The following PTPRO variants were observed in gnomAD, a reference collection of about 807,000 sequenced individuals.
PTPRO encodes protein tyrosine phosphatase receptor type O.
In PTPRO, 62 loss-of-function variants were observed where a neutral mutation model predicts 145.2. The observed-to-expected ratio is 0.43, with a 90% CI of 0.35 to 0.53. The LOEUF (loss-of-function observed/expected upper bound fraction) is 0.53, where lower values mean the gene tolerates loss of function less well. Ranked by LOEUF, PTPRO falls within the 20% of genes least tolerant of loss-of-function variation. PTPRO has a pLI of 0.01. For synonymous variants in PTPRO, 565 were observed against 514.7 expected, an observed-to-expected ratio of 1.10 and a Z score of -1.32; for missense variants, 1,345 against 1,482.7, an observed-to-expected ratio of 0.91 and a Z score of 1.53.
rs565312615 is a variant in PTPRO at position 15,597,776 on chromosome 12, C to T, written c.*1703C>T. Among the ~76,000 whole-genome samples the T allele has an allele frequency of 1.3e-4, 20 of 152,306 alleles. No individual in the cohort carries two copies. The South Asian group carries it at 3.7e-3, about 28-fold the overall frequency. On this transcript the variant is annotated 3_prime_UTR_variant, in exon 27 of 27. Coordinates refer to ENST00000281171, the MANE Select transcript of PTPRO (RefSeq NM_030667.3). ...CTCACCTCCCTGCTACCACCTCCTC[C>T]TCTTCTTCTCACCCCCGACTCCTTT...
In PTPRO at chr12:15,526,276, A is replaced by G. The variant is rs980649065; in HGVS notation, c.2164+14A>G. The G allele has an allele frequency of 2.5e-6, 4 of 1,613,210 alleles. No homozygotes were observed. Among genetic ancestry groups the G allele is most frequent in the African/African-American group, 1.3e-5 (1 of 74,914 alleles). ...TTGTCAAGCTAGGTAAGAAGAGTGC[A>G]CAGAGATGGGTGTGAAATAATCACT... is the stretch of plus-strand genomic sequence containing the variant. On this transcript the variant is annotated intron_variant, in intron 12 of 26. Coordinates refer to ENST00000281171, the MANE Select transcript of PTPRO (RefSeq NM_030667.3).
chr12:15,587,881 C>T (rs1440652827), intron 24 of PTPRO, among the ~76,000 whole-genome samples: 4 of 152,234 alleles, frequency 2.6e-5, no homozygotes, highest in Non-Finnish European at 1.5e-5. Flanking sequence ...TCTACAATCC[C>T]AGACCTACTG....
At chr12:15,418,183 G>T (rs1940035418) in intron 1 of PTPRO, among the ~76,000 whole-genome samples, 1 of 151,826 alleles carries the variant, frequency 6.6e-6, no homozygotes, top group South Asian at 2.1e-4. Context: ...CAAGAACTTT[G>T]AATAGCACAG....
intron 1 of PTPRO, among the ~76,000 whole-genome samples, chr12:15,453,314 G>T (rs1941094024): frequency 6.6e-6 from 1 of 151,762 alleles, no homozygotes; most frequent in Non-Finnish European, 1.5e-5. Flanking sequence ...GTGAGATTCA[G>T]TCTCAAAAAA....
intron 2 of PTPRO, among the ~76,000 whole-genome samples, chr12:15,496,924 GTAATT>G (rs1162386228): frequency 6.6e-6 from 1 of 152,184 alleles, no homozygotes; most frequent in Non-Finnish European, 1.5e-5. Flanking sequence ...CCTTGGACAA[GTAATT>G]TAGTCTGTGA....
chr12:15,551,515 G>A (rs1276705687), intron 14 of PTPRO, 36 bp from the exon 15 acceptor site: 1 of 1,609,760 alleles, frequency 6.2e-7, no homozygotes, highest in Non-Finnish European at 8.5e-7. Flanking sequence ...CCCTGTAAGA[G>A]AACCTATGAT....
intron 1 of PTPRO, among the ~76,000 whole-genome samples, chr12:15,426,347 C>A (rs762089145): frequency 1.3e-4 from 20 of 151,930 alleles, no homozygotes; most frequent in African/African-American, 1.9e-4. Context: ...TTAGTCATAT[C>A]CGTGAAAATT....
chr12:15,401,315 A>G (rs1225957954), intron 1 of PTPRO, among the ~76,000 whole-genome samples: 1 of 152,214 alleles, frequency 6.6e-6, no homozygotes, highest in African/African-American at 2.4e-5. Flanking sequence ...CCCATATGCA[A>G]CTATAAGTGA....
intron 1 of PTPRO, among the ~76,000 whole-genome samples, chr12:15,450,806 A>T (rs1941026130): frequency 6.6e-6 from 1 of 152,068 alleles, no homozygotes; most frequent in Non-Finnish European, 1.5e-5. Context: ...AAAAACTACC[A>T]AGCCAGCACT....
chr12:15,414,680 A>G (rs1591790907), intron 1 of PTPRO, among the ~76,000 whole-genome samples: 1 of 152,218 alleles, frequency 6.6e-6, no homozygotes, highest in Non-Finnish European at 1.5e-5. Flanking sequence ...TTCATAAGTT[A>G]TCTTTTAGAA....
intron 1 of PTPRO, among the ~76,000 whole-genome samples, chr12:15,394,783 G>A (rs771166485): frequency 6.6e-6 from 1 of 152,168 alleles, no homozygotes; most frequent in Non-Finnish European, 1.5e-5. Context: ...TCCGTCTATA[G>A]AGTATATTTA....
At chr12:15,546,543 T>G (rs928512379) in intron 12 of PTPRO, 26 bp from the exon 13 acceptor site, 2 of 1,558,140 alleles carry the variant, frequency 1.3e-6, no homozygotes, top group African/African-American at 1.4e-5. Flanking sequence ...AAATTAAATT[T>G]TTTTTAAAAC....
At chr12:15,513,890 T>C (rs1942518796) in intron 7 of PTPRO, among the ~76,000 whole-genome samples, 1 of 152,194 alleles carries the variant, frequency 6.6e-6, no homozygotes, top group Non-Finnish European at 1.5e-5. Context: ...AATTAAATTA[T>C]AAAGCATAAA....
At chr12:15,457,578 T>C (rs1021572285) in intron 1 of PTPRO, among the ~76,000 whole-genome samples, 7 of 152,126 alleles carry the variant, frequency 4.6e-5, no homozygotes, top group Non-Finnish European at 8.8e-5. Context: ...TTATCTTCCT[T>C]TGTATTTTTT....
rs772697657 is a variant in PTPRO at position 15,560,323 on chromosome 12, G to C, written c.2711+47G>C. On this transcript the variant is annotated intron_variant, in intron 17 of 26. Coordinates refer to ENST00000281171, the MANE Select transcript of PTPRO (RefSeq NM_030667.3). ...TTTAACACAAACTCTTTAAAAGTTAGCTTTCAAGAAGTAAACAAAAAGGAA... is the reference window on the plus strand; with the variant it reads ...TTTAACACAAACTCTTTAAAAGTTACCTTTCAAGAAGTAAACAAAAAGGAA... 2.1e-6 allele frequency: 3 copies of C among 1,400,006 alleles called. No individual in the cohort carries two copies. In the South Asian group the frequency reaches 3.5e-5, roughly 16 times the overall value. The allele number at this position is 1,400,006 out of a possible 1,614,324, so 86.7% of individuals were successfully genotyped here. A position where few individuals can be genotyped will look rare whatever the true frequency, so the allele number is the denominator to read the frequency against.
At chr12:15,497,424 T>C in intron 3 of PTPRO, 21 bp downstream of exon 3, 2 of 1,609,176 alleles carry the variant, frequency 1.2e-6, no homozygotes, top group East Asian at 2.2e-5. Flanking sequence ...AAAGGAAAGC[T>C]GAATCAATGA....
intron 11 of PTPRO, among the ~76,000 whole-genome samples, chr12:15,525,859 T>C (rs1315841012): frequency 1.3e-5 from 2 of 152,222 alleles, no homozygotes; most frequent in Non-Finnish European, 2.9e-5. Context: ...AAACCTGTTA[T>C]CAATATGTGA....
intron 25 of PTPRO, among the ~76,000 whole-genome samples, chr12:15,593,983 T>C (rs1424421712): frequency 1.3e-5 from 2 of 152,162 alleles, no homozygotes; most frequent in African/African-American, 2.4e-5. Flanking sequence ...TAAAAAGACA[T>C]AGTTTCTAAC....
chr12:15,439,830 A>G (rs1940708200), intron 1 of PTPRO: 1 of 617,066 alleles, frequency 1.6e-6, no homozygotes, highest in African/African-American at 1.8e-5. Context: ...GCCTCTCTCA[A>G]GAACAAGGAT....
Sources: gnomAD v4.1 joint callset for allele counts (sites outside exome capture counted in the v4.1 genomes callset) on GRCh38, gnomAD v4.1.1 for gene constraint, MANE v1.5 for transcripts, NCBI Gene and HGNC (gene_info 2026-07-23, HGNC 2026-07-21) for gene names.